GALNT3: variants seen among roughly 807,000 people sequenced by gnomAD.
The protein encoded by GALNT3 is GalNAc transferase 3.
A neutral mutation model predicts 69.8 loss-of-function variants in GALNT3; 51 were observed. The observed-to-expected ratio is 0.73, with a 90% CI of 0.58 to 0.92. The LOEUF (loss-of-function observed/expected upper bound fraction) is 0.92. GALNT3 is among the 40% of genes least tolerant of loss of function. The pLI is 0.00. For synonymous variants in GALNT3, 265 were observed against 248.5 expected (o/e 1.07, Z -0.63); for missense variants, 711 against 760.0 (o/e 0.94, Z 0.76).
chr2:165,792,934 T>G (rs1483195407), intron 1 of GALNT3, among the ~76,000 whole-genome samples: 2 of 152,210 alleles, frequency 1.3e-5, no homozygotes, highest in Non-Finnish European at 2.9e-5. Flanking sequence ...TTAATATTTT[T>G]TAGCTATAGA....
At chr2:165,788,125 A>G (rs1460230985) in intron 1 of GALNT3, among the ~76,000 whole-genome samples, 2 of 151,940 alleles carry the variant, frequency 1.3e-5, no homozygotes, top group Non-Finnish European at 2.9e-5. Flanking sequence ...TCAGGAGATC[A>G]AGACCAACCT....
At chr2:165,772,113 T>C (rs1465182955) in intron 1 of GALNT3, among the ~76,000 whole-genome samples, 2 of 152,200 alleles carry the variant, frequency 1.3e-5, no homozygotes, top group African/African-American at 2.4e-5. Context: ...TTGAAAAGAA[T>C]ATAAGAAGTT....
chr2:165,756,295 CTAG>C (rs980356961), intron 7 of GALNT3, among the ~76,000 whole-genome samples: 1 of 152,152 alleles, frequency 6.6e-6, no homozygotes, highest in African/African-American at 2.4e-5. Context: ...CTTAAACTAT[CTAG>C]TTAATTTACC....
chr2:165,786,305 G>C (rs990753949), intron 1 of GALNT3, among the ~76,000 whole-genome samples: 1 of 152,146 alleles, frequency 6.6e-6, no homozygotes, highest in Non-Finnish European at 1.5e-5. Context: ...CGAGAAAGGA[G>C]GGGCAGAGTT....
At chr2:165,775,886 T>C (rs1232032461) in intron 1 of GALNT3, among the ~76,000 whole-genome samples, 2 of 152,198 alleles carry the variant, frequency 1.3e-5, no homozygotes, top group African/African-American at 4.8e-5. Flanking sequence ...TACTAATTTC[T>C]AATAAGCCAA....
At chr2:165,763,776 G>A (rs187853687) in intron 3 of GALNT3, among the ~76,000 whole-genome samples, 7 of 152,094 alleles carry the variant, frequency 4.6e-5, no homozygotes, top group Non-Finnish European at 2.9e-5. Flanking sequence ...CCTAAATTTA[G>A]CTCCCATGCA....
intron 1 of GALNT3, among the ~76,000 whole-genome samples, chr2:165,774,239 C>T (rs1231078619): frequency 6.6e-6 from 1 of 152,158 alleles, no homozygotes. Flanking sequence ...AAATCCCCTT[C>T]CCCAGGGCTA....
rs1688613589 is a variant in GALNT3 at position 165,764,992 on chromosome 2, G to A, written c.580C>T (p.His194Tyr). The change falls in exon 3 of 11, where the codon CAT becomes TAT. Residue 194 changes from histidine (H) to tyrosine (Y), a missense_variant. By Grantham distance (83) the His-to-Tyr change is moderately conservative (BLOSUM62 2). Transcript: ENST00000392701. Reference sequence around the variant, plus strand: ...AGCAACGTGGACCACGCTTCATTATGAAAAACTATTATGACACTGGTGGTG... The same window carrying A: ...AGCAACGTGGACCACGCTTCATTATAAAAAACTATTATGACACTGGTGGTG... ...LPTTSVIIVF[H>Y]NEAWSTLLRT... is the part of the protein sequence containing the mutation. 19 of 1,614,194 alleles carry A rather than the reference G, an allele frequency of 1.2e-5. No individual in the cohort carries two copies. Among genetic ancestry groups the A allele is most frequent in the Non-Finnish European group, 1.5e-5 (18 of 1,180,012 alleles).
In GALNT3 at chr2:165,755,828, C is replaced by A. The variant is rs77530831; in HGVS notation, c.1393-765G>T. On this transcript the variant is annotated intron_variant, in intron 7 of 10. Coordinates refer to ENST00000392701, the MANE Select transcript of GALNT3 (RefSeq NM_004482.4). ...TATTTTCTTATGCCAACTTTGATGT[C>A]TTGAACCCAGGCGTTTTAGCAAAAA... Among the ~76,000 whole-genome samples the A allele has an allele frequency of 3.6e-4, 55 of 152,270 alleles. No homozygotes were observed. In the East Asian group the frequency reaches 8.7e-3, roughly 24 times the overall value.
intron 1 of GALNT3, among the ~76,000 whole-genome samples, chr2:165,791,657 GC>G (rs1683354377): frequency 6.6e-6 from 1 of 152,138 alleles, no homozygotes; most frequent in Admixed American, 6.5e-5. Context: ...TGGATGAAAG[GC>G]ACTGGGTAGC....
chr2:165,770,651 T>C lies in GALNT3; in HGVS notation c.50A>G (p.His17Arg), dbSNP rs1369508608. The change falls in exon 2 of 11, where the codon CAT (histidine) becomes CGT (arginine). Residue 17 changes from histidine (H) to arginine (R), a missense_variant. His to Arg is a conservative substitution (Grantham distance 29). Transcript: ENST00000392701. ...LVKLHIKRHY[H>R]KKFWKLGAVI... ...TGCACCAAGCTTCCAGAACTTTTTA[T>C]GGTAATGTCTTTTAATGTGTAATTT... 3.7e-6 allele frequency: 6 copies of C among 1,601,050 alleles called. No homozygotes were observed. The highest frequency in any genetic ancestry group is 4.2e-6 in the Non-Finnish European group (5 of 1,177,082).
intron 1 of GALNT3, among the ~76,000 whole-genome samples, chr2:165,783,691 A>T (rs1363099319): frequency 6.6e-6 from 1 of 152,170 alleles, no homozygotes; most frequent in African/African-American, 2.4e-5. Context: ...TTCCAATTAA[A>T]CTTTGTTTTC....
intron 9 of GALNT3, among the ~76,000 whole-genome samples, chr2:165,750,895 C>T (rs1169960020): frequency 6.6e-6 from 1 of 152,130 alleles, no homozygotes; most frequent in Non-Finnish European, 1.5e-5. Context: ...CCCTTTTCTG[C>T]CTGGCTAACT....
intron 4 of GALNT3, among the ~76,000 whole-genome samples, chr2:165,761,033 A>C (rs1688535442): frequency 6.6e-6 from 1 of 152,142 alleles, no homozygotes; most frequent in Non-Finnish European, 1.5e-5. Context: ...TGGCATAAAA[A>C]GTATATATAT....
intron 3 of GALNT3, among the ~76,000 whole-genome samples, chr2:165,763,828 A>T (rs1688592125): frequency 6.6e-6 from 1 of 152,168 alleles, no homozygotes; most frequent in Non-Finnish European, 1.5e-5. Flanking sequence ...GCTACATGAA[A>T]TCAGATGCCC....
chr2:165,777,552 G>A (rs1318675327), intron 1 of GALNT3, among the ~76,000 whole-genome samples: 2 of 152,182 alleles, frequency 1.3e-5, no homozygotes, highest in African/African-American at 2.4e-5. Context: ...GTGGCAGAAA[G>A]TCATTTCTGC....
At position 165,775,330 on chromosome 2, in the gene GALNT3, T is replaced by C. The variant is rs1421475057; in HGVS notation, c.-108-4522A>G. Among the ~76,000 whole-genome samples the C allele has an allele frequency of 3.3e-5, 5 of 152,304 alleles. No homozygotes were observed. The East Asian group carries it at 7.7e-4, about 24-fold the overall frequency. ...TGGGTAATATTTTACAAATAAATGA[T>C]TTTTAAAAACTTTTCAAAGCACCAT... On this transcript the variant is annotated intron_variant, in intron 1 of 10. Coordinates refer to ENST00000392701, the MANE Select transcript of GALNT3 (RefSeq NM_004482.4).
At chr2:165,758,984 T>C in intron 5 of GALNT3, 120 bp from the exon 6 acceptor site, 1 of 764,592 alleles carries the variant, frequency 1.3e-6, no homozygotes, top group Non-Finnish European at 2.3e-6. Flanking sequence ...TTTATTCAGA[T>C]TAATAAAAAC....
chr2:165,770,337 C>G lies in GALNT3; in HGVS notation c.364G>C (p.Gly122Arg). The G allele has an allele frequency of 6.2e-7, 1 of 1,614,112 alleles. No individual in the cohort carries two copies. The highest frequency in any genetic ancestry group is 8.5e-7 in the Non-Finnish European group (1 of 1,180,032). ...DRPPQDSNAP[G>R]ASGKAFKTTN... ...GTCTTGAATGCTTTACCAGAAGCAC[C>G]AGGTGCATTTGAATCCTGAGGTGGA... The change falls in exon 2 of 11, where the codon GGT becomes CGT. Residue 122 changes from glycine to arginine, a missense_variant. Transcript: ENST00000392701.
Sources: allele counts gnomAD v4.1 joint callset (sites outside exome capture counted in the v4.1 genomes callset), GRCh38; gene constraint gnomAD v4.1.1; transcripts MANE v1.5; gene names NCBI Gene and HGNC (gene_info 2026-07-23, HGNC 2026-07-21).